Variants in CGGBP1 observed in about 807,000 individuals in gnomAD.
CGGBP1 encodes CGG triplet repeat-binding protein 1.
A neutral mutation model predicts 11.4 loss-of-function variants in CGGBP1; 4 were observed. The ratio of observed to expected loss-of-function variants is 0.35; its 90% CI spans 0.17 to 0.80. CGGBP1 has a LOEUF of 0.80. CGGBP1 is among the 30% of genes least tolerant of loss of function. The pLI, the probability that CGGBP1 is intolerant of heterozygous loss-of-function variation, is 0.52. For synonymous variants in CGGBP1, 76 were observed against 74.1 expected (o/e 1.03, Z -0.13); for missense variants, 135 against 202.1 (o/e 0.67, Z 2.01).
At chr3:88,057,420 C>G (rs1706576712) in intron 2 of CGGBP1, 128 bp from the exon 3 acceptor site, 1 of 151,250 alleles carries the variant, frequency 6.6e-6, no homozygotes, top group African/African-American at 2.4e-5. Flanking sequence ...GCAGAGAAGA[C>G]AGTTATGATT....
At chr3:88,071,532 G>A (rs1232209966) in intron 2 of CGGBP1, among the ~76,000 whole-genome samples, 3 of 152,218 alleles carry the variant, frequency 2.0e-5, no homozygotes, top group Non-Finnish European at 4.4e-5. Flanking sequence ...TGTAGTCCCA[G>A]CTACTTGGCA....
intron 2 of CGGBP1, among the ~76,000 whole-genome samples, chr3:88,075,206 T>G (rs1468098798): frequency 6.6e-6 from 1 of 152,228 alleles, no homozygotes; most frequent in Non-Finnish European, 1.5e-5. Context: ...ATCTGTTGAG[T>G]GGCACCACTT....
At chr3:88,138,349 AAT>A (rs1280906454) in intron 2 of CGGBP1, among the ~76,000 whole-genome samples, 1 of 152,160 alleles carries the variant, frequency 6.6e-6, no homozygotes, top group Non-Finnish European at 1.5e-5. Context: ...TCTCTCAAAG[AAT>A]ATGAGATTTG....
chr3:88,144,011 G>A (rs1707245502), intron 1 of CGGBP1: 1 of 152,076 alleles, frequency 6.6e-6, no homozygotes, highest in Admixed American at 6.6e-5. Context: ...CTTTTTTTCT[G>A]TTTTGAGGAT....
At chr3:88,060,692 G>A (rs1227866771), upstream of CGGBP1, among the ~76,000 whole-genome samples, 2 of 152,050 alleles carry the variant, frequency 1.3e-5, no homozygotes, top group African/African-American at 2.4e-5. Context: ...TATTAATTTC[G>A]TTCTGATAAC....
chr3:88,053,640 A>C lies in CGGBP1; in HGVS notation c.*1833T>G, dbSNP rs1706478334. 3 of 152,580 alleles carry C rather than the reference A, an allele frequency of 2.0e-5. No homozygotes were observed. In the South Asian group the frequency reaches 6.2e-4, roughly 32 times the overall value. 9.5% of individuals were successfully genotyped at this position (152,580 alleles called of 1,614,324 possible). ...AATCACATGGAATTTCAAAAAACAG[A>C]ATGATTGTGTATCTTTTCGTATTCT... On this transcript the variant is annotated 3_prime_UTR_variant, in exon 4 of 4. Coordinates refer to ENST00000482016, the MANE Select transcript of CGGBP1 (RefSeq NM_001008390.2).
upstream of CGGBP1, among the ~76,000 whole-genome samples, chr3:88,062,705 A>G (rs552562300): frequency 6.6e-6 from 1 of 152,340 alleles, no homozygotes; most frequent in East Asian, 1.9e-4. Flanking sequence ...TTCTGGAACC[A>G]CTTTGATATG....
At chr3:88,088,460 G>C (rs1159500412) in intron 2 of CGGBP1, among the ~76,000 whole-genome samples, 1 of 152,092 alleles carries the variant, frequency 6.6e-6, no homozygotes, top group East Asian at 1.9e-4. Context: ...AAAAACATCA[G>C]TATCACGCTG....
At chr3:88,109,003 C>T (rs1052464597) in intron 2 of CGGBP1, among the ~76,000 whole-genome samples, 7 of 151,950 alleles carry the variant, frequency 4.6e-5, no homozygotes, top group Non-Finnish European at 1.0e-4. Flanking sequence ...ATGGAAAAGG[C>T]GTTACATTTG....
intron 2 of CGGBP1, among the ~76,000 whole-genome samples, chr3:88,091,463 C>G (rs1183027177): frequency 6.6e-6 from 1 of 151,178 alleles, no homozygotes. Flanking sequence ...GGAATTTTTT[C>G]CCTCTTTCAT....
chr3:88,102,273 T>G (rs1217499599), intron 2 of CGGBP1, among the ~76,000 whole-genome samples: 1 of 152,206 alleles, frequency 6.6e-6, no homozygotes, highest in East Asian at 1.9e-4. Flanking sequence ...TAGAAACCAC[T>G]ATTGTGTTTT....
chr3:88,062,916 A>T (rs1469115669), upstream of CGGBP1, among the ~76,000 whole-genome samples: 4 of 152,232 alleles, frequency 2.6e-5, no homozygotes, highest in African/African-American at 9.6e-5. Context: ...CATTAGAGAT[A>T]ATCTGTAGGT....
intron 2 of CGGBP1, among the ~76,000 whole-genome samples, chr3:88,083,868 C>CT (rs1187688756): frequency 6.6e-6 from 1 of 151,644 alleles, no homozygotes; most frequent in Non-Finnish European, 1.5e-5. Flanking sequence ...CACAGATTAG[C>CT]TGAGTGCGTA....
chr3:88,098,315 G>T (rs554830367), intron 2 of CGGBP1, among the ~76,000 whole-genome samples: 1 of 152,248 alleles, frequency 6.6e-6, no homozygotes, highest in East Asian at 1.9e-4. Context: ...CCAATAACAG[G>T]CTCTGAAATT....
upstream of CGGBP1, among the ~76,000 whole-genome samples, chr3:88,059,945 G>A (rs1477155508): frequency 6.6e-6 from 1 of 151,670 alleles, no homozygotes; most frequent in African/African-American, 2.4e-5. Flanking sequence ...TTTTTTCCGG[G>A]ATGGGAGACA....
chr3:88,110,072 C>T (rs1704996093), intron 2 of CGGBP1, among the ~76,000 whole-genome samples: 1 of 152,060 alleles, frequency 6.6e-6, no homozygotes, highest in East Asian at 1.9e-4. Context: ...TGGATGGTGA[C>T]ATGTTAATAA....
chr3:88,063,057 C>T (rs1254397568), upstream of CGGBP1, among the ~76,000 whole-genome samples: 3 of 152,128 alleles, frequency 2.0e-5, no homozygotes, highest in Non-Finnish European at 4.4e-5. Flanking sequence ...ACAACTGTGG[C>T]GGGGTTCTCA....
chr3:88,131,212 CAT>C (rs1362511629), intron 2 of CGGBP1, among the ~76,000 whole-genome samples: 2 of 152,136 alleles, frequency 1.3e-5, no homozygotes, highest in Non-Finnish European at 2.9e-5. Context: ...TCTATGCAGA[CAT>C]ATCTAAATAT....
At chr3:88,094,831 A>T (rs1379088176) in intron 2 of CGGBP1, among the ~76,000 whole-genome samples, 1 of 152,028 alleles carries the variant, frequency 6.6e-6, no homozygotes, top group Admixed American at 6.6e-5. Context: ...TTTGATTTAT[A>T]GAACTAGACT....
Sources: gnomAD v4.1 joint callset for allele counts (sites outside exome capture counted in the v4.1 genomes callset) on GRCh38, gnomAD v4.1.1 for gene constraint, MANE v1.5 for transcripts, NCBI Gene and HGNC (gene_info 2026-07-23, HGNC 2026-07-21) for gene names.